AJM1: variants seen among roughly 807,000 people sequenced by gnomAD.
The protein encoded by AJM1 is apical junction component 1 homolog, also known as uncharacterized protein C9orf172.
In AJM1, 22 loss-of-function variants were observed where a neutral mutation model predicts 43.0. The ratio of observed to expected loss-of-function variants is 0.51; its 90% CI spans 0.37 to 0.73. The LOEUF (loss-of-function observed/expected upper bound fraction) is 0.73. Ranked by LOEUF, AJM1 falls within the 30% of genes least tolerant of loss-of-function variation. The pLI, the probability that AJM1 is intolerant of heterozygous loss-of-function variation, is 0.00. For synonymous variants in AJM1, 719 were observed against 638.3 expected (o/e 1.13, Z -1.91); for missense variants, 1,305 against 1,343.3 (o/e 0.97, Z 0.45).
Position 136,844,836 on chromosome 9 carries a change from C to A in AJM1, c.422C>A (p.Ala141Asp). The A allele has an allele frequency of 4.2e-6, 1 of 237,778 alleles. No homozygotes were observed. 14.7% of individuals were successfully genotyped at this position (237,778 alleles called of 1,614,324 possible). ...RREPAYPALRALANELHPIKL... is the reference protein window; with the variant it reads ...RREPAYPALRDLANELHPIKL... ...GAGCCCGCGTACCCGGCGCTCCGCG[C>A]CCTTGCCAACGAGCTGCATCCCATC... Residue 141 changes from alanine to aspartate, a missense_variant, in exon 3 of 3, where the codon GCC becomes GAC. This residue lies in a region of AJM1 where 653 missense variants were observed against 549.1 expected (regional missense o/e 1.19). Coordinates refer to ENST00000436881, the MANE Select transcript of AJM1 (RefSeq NM_001080482.5).
rs2131215934 is a variant in AJM1 at position 136,844,803 on chromosome 9, C to T, written c.389C>T (p.Pro130Leu). ...AQRAARAEAS[P>L]RREPAYPALR... ...CGTGCGGCGCGGGCCGAGGCATCGC[C>T]GCGCCGGGAGCCCGCGTACCCGGCG... The change falls in exon 3 of 3, where the codon CCG becomes CTG. Residue 130 changes from proline to leucine, a missense_variant. Pro to Leu is a moderately conservative substitution (Grantham distance 98). Around this residue, in one of 6 missense-constraint regions of AJM1, gnomAD observed 653 missense variants for 549.1 expected, o/e 1.19. Transcript: ENST00000436881. The T allele has an allele frequency of 4.4e-6, 1 of 226,480 alleles. No individual in the cohort carries two copies. Among genetic ancestry groups the T allele is most frequent in the South Asian group, 9.2e-5 (1 of 10,904 alleles). 14.0% of individuals were successfully genotyped at this position (226,480 alleles called of 1,614,324 possible).
chr9:136,847,209 G>A lies in AJM1; in HGVS notation c.2795G>A (p.Arg932Lys). Reference protein sequence around the residue: ...EQLCEFVEANRRFTPTTIYPT... With the variant: ...EQLCEFVEANKRFTPTTIYPT... The stretch of plus-strand genomic sequence containing the variant: ...CTTTGCGAGTTCGTCGAGGCCAACA[G>A]GCGCTTCACGCCCACCACCATCTAC... The change falls in exon 3 of 3, where the codon AGG becomes AAG. Residue 932 changes from arginine to lysine, a missense_variant. This residue lies in a region of AJM1 where 116 missense variants were observed against 113.4 expected (regional missense o/e 1.02). Transcript: ENST00000436881. 2 of 1,606,104 alleles carry A rather than the reference G, an allele frequency of 1.2e-6. No individual in the cohort carries two copies. The highest frequency in any genetic ancestry group is 1.7e-6 in the Non-Finnish European group (2 of 1,178,918).
Position 136,847,365 on chromosome 9 carries a change from C to T in AJM1, c.*20C>T. 1 of 1,477,888 alleles carries T rather than the reference C, an allele frequency of 6.8e-7. No homozygotes were observed. The highest frequency in any genetic ancestry group is 1.3e-5 in the South Asian group (1 of 76,682). The allele number at this position is 1,477,888 out of a possible 1,614,324, so 91.5% of individuals were successfully genotyped here. A position where few individuals can be genotyped will look rare whatever the true frequency, so the allele number is the denominator to read the frequency against. ...ATGTGAGGCGCCGGGCCCACCAGGC[C>T]TAGCCCAGGCGCTGGCCCGAACCCT... On this transcript the variant is annotated 3_prime_UTR_variant, in exon 3 of 3. Transcript: ENST00000436881.
chr9:136,844,599 C>G lies in AJM1; in HGVS notation c.185C>G (p.Pro62Arg), dbSNP rs1848741097. ...SFDFLEALDG[P>R]AMETLPEPPP... ...GACTTCCTGGAGGCGCTGGACGGGC[C>G]GGCCATGGAGACCCTGCCGGAGCCA... The change falls in exon 3 of 3, where the codon CCG becomes CGG. Residue 62 changes from proline to arginine, a missense_variant. This residue lies in a region of AJM1 where 128 missense variants were observed against 120.6 expected (regional missense o/e 1.06). Transcript: ENST00000436881. 3 of 1,581,520 alleles carry G rather than the reference C, an allele frequency of 1.9e-6. No homozygotes were observed. Among genetic ancestry groups the G allele is most frequent in the Admixed American group, 1.8e-5 (1 of 56,056 alleles).
Position 136,845,986 on chromosome 9 carries a change from C to A in AJM1, c.1572C>A (p.Gly524=). ...TEKGRAGEGL[G]RNWYVTPEIT... ...AGGGCCGCGCGGGCGAGGGCCTGGGCCGCAACTGGTACGTGACGCCCGAGA... is the reference window on the plus strand; with the variant it reads ...AGGGCCGCGCGGGCGAGGGCCTGGGACGCAACTGGTACGTGACGCCCGAGA... The change falls in exon 3 of 3, where the codon GGC becomes GGA. Residue 524 remains glycine (G), a synonymous_variant. Transcript: ENST00000436881. 1 of 1,553,332 alleles carries A rather than the reference C, an allele frequency of 6.4e-7. No individual in the cohort carries two copies. The highest frequency in any genetic ancestry group is 8.7e-7 in the Non-Finnish European group (1 of 1,149,940).
Position 136,847,226 on chromosome 9 carries a change from A to G in AJM1, c.2812A>G (p.Thr938Ala). The G allele has an allele frequency of 6.2e-7, 1 of 1,605,146 alleles. No homozygotes were observed. Among genetic ancestry groups the G allele is most frequent in the African/African-American group, 1.3e-5 (1 of 74,496 alleles). Reference protein sequence around the residue: ...VEANRRFTPTTIYPTDRRTGR... With the variant: ...VEANRRFTPTAIYPTDRRTGR... ...GGCCAACAGGCGCTTCACGCCCACC[A>G]CCATCTACCCCACGGACCGGCGCAC... Residue 938 changes from threonine (T) to alanine (A), a missense_variant, in exon 3 of 3, where the codon ACC becomes GCC. By Grantham distance (58) the Thr-to-Ala change is moderately conservative (BLOSUM62 0). Coordinates refer to ENST00000436881, the MANE Select transcript of AJM1 (RefSeq NM_001080482.5).
Position 136,848,075 on chromosome 9 carries a change from T to C in AJM1, c.*730T>C, listed in dbSNP as rs1279438948. 1 of 152,322 alleles carries C rather than the reference T, an allele frequency of 6.6e-6. No individual in the cohort carries two copies. The highest frequency in any genetic ancestry group is 1.9e-4 in the East Asian group (1 of 5,196). 9.4% of individuals were successfully genotyped at this position (152,322 alleles called of 1,614,324 possible). On this transcript the variant is annotated 3_prime_UTR_variant, in exon 3 of 3. Coordinates refer to ENST00000436881, the MANE Select transcript of AJM1 (RefSeq NM_001080482.5). ...CTGCCGTCCCTTCGCCTCCAGCCGCTGCAGTCTGGGCCCTGCAGGAGCTGG... is the reference window on the plus strand; with the variant it reads ...CTGCCGTCCCTTCGCCTCCAGCCGCCGCAGTCTGGGCCCTGCAGGAGCTGG...
Position 136,846,479 on chromosome 9 carries a change from T to C in AJM1, c.2065T>C (p.Cys689Arg). Residue 689 changes from cysteine (C) to arginine (R), a missense_variant, in exon 3 of 3, where the codon TGC becomes CGC. By Grantham distance (180) the Cys-to-Arg change is radical. This residue lies in a region of AJM1 where 391 missense variants were observed against 507.5 expected (regional missense o/e 0.77). Coordinates refer to ENST00000436881, the MANE Select transcript of AJM1 (RefSeq NM_001080482.5). The stretch of plus-strand genomic sequence containing the variant: ...CCTCTACTTCAAGTCCTGCCACAGC[T>C]GCTACACCTACTACTGCTCGCGCCT... ...ACLYFKSCHS[C>R]YTYYCSRLCR... is the part of the protein sequence containing the mutation. The C allele has an allele frequency of 6.3e-7, 1 of 1,592,758 alleles. No individual in the cohort carries two copies. The highest frequency in any genetic ancestry group is 8.5e-7 in the Non-Finnish European group (1 of 1,176,678).
Position 136,846,196 on chromosome 9 carries a change from C to T in AJM1, c.1782C>T (p.Thr594=). Reference sequence around the variant, plus strand: ...ACCTGGTCATCGACTCGCGACCCACCGCCGGCCAGGCCTCAGAGCCCGCGG... The same window carrying T: ...ACCTGGTCATCGACTCGCGACCCACTGCCGGCCAGGCCTCAGAGCCCGCGG... ...ITDLVIDSRP[T]AGQASEPAAD... The change falls in exon 3 of 3, where the codon ACC becomes ACT. Residue 594 remains threonine (T), a synonymous_variant. Coordinates refer to ENST00000436881, the MANE Select transcript of AJM1 (RefSeq NM_001080482.5). 3 of 1,509,340 alleles carry T rather than the reference C, an allele frequency of 2.0e-6. No individual in the cohort carries two copies. Among genetic ancestry groups the T allele is most frequent in the African/African-American group, 1.4e-5 (1 of 69,338 alleles). The allele number at this position is 1,509,340 out of a possible 1,614,324, so 93.5% of individuals were successfully genotyped here.
Position 136,846,982 on chromosome 9 carries a change from C to A in AJM1, c.2568C>A (p.Ser856Arg). ...KFAKVALAAG[S>R]PARPPPARSR... is the part of the protein sequence containing the mutation. ...CCAAGGTAGCGCTGGCGGCCGGCAG[C>A]CCCGCGCGGCCGCCCCCGGCGCGGA... Residue 856 changes from serine to arginine, a missense_variant, in exon 3 of 3, where the codon AGC (serine) becomes AGA (arginine). Coordinates refer to ENST00000436881, the MANE Select transcript of AJM1 (RefSeq NM_001080482.5). The A allele has an allele frequency of 8.1e-7, 1 of 1,228,000 alleles. No individual in the cohort carries two copies. The allele number at this position is 1,228,000 out of a possible 1,614,324, so 76.1% of individuals were successfully genotyped here.
At position 136,845,518 on chromosome 9, in the gene AJM1, C is replaced by G. The variant is rs930248957; in HGVS notation, c.1104C>G (p.His368Gln). 2 of 1,598,148 alleles carry G rather than the reference C, an allele frequency of 1.3e-6. No individual in the cohort carries two copies. Among genetic ancestry groups the G allele is most frequent in the Non-Finnish European group, 1.7e-6 (2 of 1,173,538 alleles). The change falls in exon 3 of 3, where the codon CAC becomes CAG. Residue 368 changes from histidine (H) to glutamine (Q), a missense_variant. By Grantham distance (24) the His-to-Gln change is conservative. Coordinates refer to ENST00000436881, the MANE Select transcript of AJM1 (RefSeq NM_001080482.5). The stretch of plus-strand genomic sequence containing the variant: ...ATGTCCCCGAGGAGCCCCGGGCCCA[C>G]TCCACCGCCCGCCCCTTTTACACGG... ...PRYVPEEPRA[H>Q]STARPFYTED...
Position 136,846,891 on chromosome 9 carries a change from C to T in AJM1, c.2477C>T (p.Pro826Leu), listed in dbSNP as rs933926832. 1.5e-5 allele frequency: 23 copies of T among 1,517,694 alleles called. No individual in the cohort carries two copies. The highest frequency in any genetic ancestry group is 1.8e-5 in the Non-Finnish European group (21 of 1,140,024). 94.0% of individuals were successfully genotyped at this position (1,517,694 alleles called of 1,614,324 possible). ...GTGGCCGTGGGACCCGGCACCGCGCCACCGGGGACACCGGCCCTGCCCGCG... is the reference window on the plus strand; with the variant it reads ...GTGGCCGTGGGACCCGGCACCGCGCTACCGGGGACACCGGCCCTGCCCGCG... ...VSVAVGPGTA[P>L]PGTPALPAPA... The change falls in exon 3 of 3, where the codon CCA (proline) becomes CTA (leucine). Residue 826 changes from proline to leucine, a missense_variant. Physicochemically the swap from Pro to Leu is moderately conservative, Grantham distance 98. Transcript: ENST00000436881.
In AJM1 at chr9:136,845,920, C is replaced by T. The variant is rs1848767935; in HGVS notation, c.1506C>T (p.Arg502=). Residue 502 remains arginine (R), a synonymous_variant, in exon 3 of 3, where the codon CGC becomes CGT. Coordinates refer to ENST00000436881, the MANE Select transcript of AJM1 (RefSeq NM_001080482.5). ...TGAACCTGTCCACCTCTCCCAGACGCTACGCCGCACTGTCCCTGTCCGAGA... is the reference window on the plus strand; with the variant it reads ...TGAACCTGTCCACCTCTCCCAGACGTTACGCCGCACTGTCCCTGTCCGAGA... ...VVVNLSTSPR[R]YAALSLSETS... 2 of 1,555,974 alleles carry T rather than the reference C, an allele frequency of 1.3e-6. No individual in the cohort carries two copies. Among genetic ancestry groups the T allele is most frequent in the Non-Finnish European group, 1.7e-6 (2 of 1,151,186 alleles).
In AJM1 at chr9:136,845,870, G is replaced by C; in HGVS notation, c.1456G>C (p.Glu486Gln). 3 of 1,558,974 alleles carry C rather than the reference G, an allele frequency of 1.9e-6. No homozygotes were observed. Among genetic ancestry groups the C allele is most frequent in the Non-Finnish European group, 2.6e-6 (3 of 1,153,546 alleles). The change falls in exon 3 of 3, where the codon GAA becomes CAA. Residue 486 changes from glutamate to glutamine, a missense_variant. Coordinates refer to ENST00000436881, the MANE Select transcript of AJM1 (RefSeq NM_001080482.5). ...EVREPRGVSP[E>Q]GRRPPVVVNL... ...GCGGGAGCCGCGAGGCGTGTCCCCC[G>C]AAGGCCGGCGCCCGCCCGTCGTCGT... is the stretch of plus-strand genomic sequence containing the variant.
chr9:136,843,007 TGGG>T (rs1003053524), intron 1 of AJM1, among the ~76,000 whole-genome samples: 5 of 57,170 alleles, frequency 8.7e-5, no homozygotes, highest in Admixed American at 2.0e-4. Context: ...AGGGGGGAGA[TGGG>T]GGGGTGGGCG....
At position 136,843,166 on chromosome 9, in the gene AJM1, C is replaced by T. The variant is rs549034040; in HGVS notation, c.-144+577C>T. 1.6e-4 allele frequency among the ~76,000 whole-genome samples: 25 copies of T among 152,344 alleles called. 1 individual carries two copies. The South Asian group carries it at 5.0e-3, about 30-fold the overall frequency. On this transcript the variant is annotated intron_variant, in intron 1 of 2. Coordinates refer to ENST00000436881, the MANE Select transcript of AJM1 (RefSeq NM_001080482.5). ...AGGCCCATCCACCTGAGGTTCTGCC[C>T]TGCAAGGGGCCTGGCCAGGTACCCG...
Position 136,844,631 on chromosome 9 carries a change from C to T in AJM1, c.217C>T (p.Pro73Ser). 1.9e-6 allele frequency: 3 copies of T among 1,539,010 alleles called. No homozygotes were observed. The highest frequency in any genetic ancestry group is 2.6e-6 in the Non-Finnish European group (3 of 1,144,534). ...GGAGACCCTGCCGGAGCCACCGCCG[C>T]CGGAGTCCGCTGTGCCGCGCGCCCG... ...AMETLPEPPP[P>S]ESAVPRARTR... Residue 73 changes from proline (P) to serine (S), a missense_variant, in exon 3 of 3, where the codon CCG (proline) becomes TCG (serine). By Grantham distance (74) the Pro-to-Ser change is moderately conservative. This residue lies in a region of AJM1 where 128 missense variants were observed against 120.6 expected (regional missense o/e 1.06). Transcript: ENST00000436881.
intron 1 of AJM1, among the ~76,000 whole-genome samples, chr9:136,843,046 C>T (rs1010145370): frequency 2.0e-5 from 3 of 148,880 alleles, no homozygotes; most frequent in Non-Finnish European, 4.5e-5. Flanking sequence ...GGCACAAGGC[C>T]TGGGACTCGT....
chr9:136,842,882 C>T (rs1488472673), intron 1 of AJM1, among the ~76,000 whole-genome samples: 3 of 152,088 alleles, frequency 2.0e-5, no homozygotes, highest in Admixed American at 6.5e-5. Context: ...GGCCGACTGT[C>T]ACCTCCCTGG....
Sources: gnomAD v4.1 joint callset for allele counts (sites outside exome capture counted in the v4.1 genomes callset) on GRCh38, gnomAD v4.1.1 for gene constraint, gnomAD v4.1.1 regional missense constraint, MANE v1.5 for transcripts, NCBI Gene and HGNC (gene_info 2026-07-23, HGNC 2026-07-21) for gene names.